Variants in SVIL observed in about 807,000 individuals in gnomAD.
The protein encoded by SVIL is supervillin, also known as archvillin.
Under a neutral mutation model 240.4 loss-of-function variants are expected in SVIL, and 101 were observed. That is an observed-to-expected ratio of 0.42 (90% CI 0.36 to 0.50). SVIL has a LOEUF of 0.50. SVIL is among the 20% of genes least tolerant of loss of function. The probability of loss-of-function intolerance (pLI) is 0.01; values close to 1 mark genes in which losing one functional copy is unlikely to be tolerated. For synonymous variants in SVIL, 999 were observed against 1,100.0 expected, an observed-to-expected ratio of 0.91 and a Z score of 1.82; for missense variants, 2,512 against 2,818.7, an observed-to-expected ratio of 0.89 and a Z score of 2.46.
chr10:29,523,518 C>T lies in SVIL; in HGVS notation c.3096G>A (p.Arg1032=). The T allele has an allele frequency of 6.2e-7, 1 of 1,614,056 alleles. No homozygotes were observed. The highest frequency in any genetic ancestry group is 8.5e-7 in the Non-Finnish European group (1 of 1,179,984). The change falls in exon 15 of 38, where the codon AGG becomes AGA. Residue 1032 remains arginine (R), a synonymous_variant. Coordinates refer to ENST00000355867, the MANE Select transcript of SVIL (RefSeq NM_021738.3). ...KMNAQGNLDL[R]DRLPFEEKVE... ...CCTTCTCTTCAAAGGGCAGCCTGTC[C>T]CTCAAGTCCAAGTTTCCTTGTGCAT... is the stretch of plus-strand genomic sequence containing the variant.
At chr10:29,651,549 C>T (rs1004585926) in intron 3 of SVIL, among the ~76,000 whole-genome samples, 2 of 151,672 alleles carry the variant, frequency 1.3e-5, no homozygotes, top group Admixed American at 6.6e-5. Context: ...TCCTCCCTGG[C>T]TGGCCATTCC....
At chr10:29,487,116 C>G (rs781714940) in intron 24 of SVIL, 47 bp downstream of exon 24, 7 of 1,602,214 alleles carry the variant, frequency 4.4e-6, no homozygotes, top group Non-Finnish European at 6.0e-6. Flanking sequence ...TCCTCCGGTG[C>G]GTAAAGGAGA....
At chr10:29,678,762 T>G (rs1960398550) in intron 2 of SVIL, among the ~76,000 whole-genome samples, 1 of 152,206 alleles carries the variant, frequency 6.6e-6, no homozygotes, top group Non-Finnish European at 1.5e-5. Context: ...GGAAGATGTG[T>G]GGGGGATATT....
chr10:29,587,974 C>A (rs575052297), intron 1 of SVIL, among the ~76,000 whole-genome samples: 41 of 152,308 alleles, frequency 2.7e-4, no homozygotes, highest in East Asian at 1.2e-3. Flanking sequence ...GACTCTCCCC[C>A]ACCCTGGCCC....
intron 3 of SVIL, among the ~76,000 whole-genome samples, chr10:29,643,329 T>A (rs931247311): frequency 2.0e-5 from 3 of 152,206 alleles, no homozygotes; most frequent in African/African-American, 7.2e-5. Flanking sequence ...AGGTATTTTT[T>A]AAGCAGCTCA....
chr10:29,492,755 G>A (rs1055972118), intron 21 of SVIL, among the ~76,000 whole-genome samples: 2 of 152,184 alleles, frequency 1.3e-5, no homozygotes, highest in Non-Finnish European at 2.9e-5. Context: ...ATGATTGGAA[G>A]CTAAGTAACA....
At chr10:29,726,702 A>C (rs1964312668) in intron 1 of SVIL, among the ~76,000 whole-genome samples, 1 of 152,104 alleles carries the variant, frequency 6.6e-6, no homozygotes, top group African/African-American at 2.4e-5. Context: ...AGCCAAGATC[A>C]CGCTGCTGCA....
chr10:29,543,000 A>G (rs1952304366), intron 6 of SVIL, among the ~76,000 whole-genome samples: 1 of 152,208 alleles, frequency 6.6e-6, no homozygotes, highest in Non-Finnish European at 1.5e-5. Flanking sequence ...TCACGATATG[A>G]TAATGAGAGC....
chr10:29,494,307 T>C (rs1343221459), intron 20 of SVIL, among the ~76,000 whole-genome samples: 1 of 152,250 alleles, frequency 6.6e-6, no homozygotes, highest in Non-Finnish European at 1.5e-5. Context: ...CCTAGCCAGT[T>C]CAGTTATTAT....
intron 2 of SVIL, among the ~76,000 whole-genome samples, chr10:29,672,418 G>A (rs1386300103): frequency 2.0e-5 from 3 of 151,832 alleles, no homozygotes; most frequent in African/African-American, 7.3e-5. Flanking sequence ...AGGCTGCAGT[G>A]AGCCGTGATC....
chr10:29,577,775 C>T (rs1166980449), intron 1 of SVIL, among the ~76,000 whole-genome samples: 1 of 151,956 alleles, frequency 6.6e-6, no homozygotes, highest in African/African-American at 2.4e-5. Flanking sequence ...TTCTTTACAC[C>T]AACAACAAAC....
chr10:29,471,106 A>G, intron 31 of SVIL, 32 bp downstream of exon 31: 2 of 1,587,546 alleles, frequency 1.3e-6, no homozygotes, highest in Non-Finnish European at 1.7e-6. Context: ...AGGGAAAGGC[A>G]AAGTCGAATT....
intron 27 of SVIL, chr10:29,483,463 AAC>A (rs1687674038): frequency 6.6e-6 from 1 of 152,224 alleles, no homozygotes; most frequent in African/African-American, 2.4e-5. Flanking sequence ...ATGAAACGAA[AAC>A]ACATCTCTGG....
intron 1 of SVIL, among the ~76,000 whole-genome samples, chr10:29,694,914 G>A (rs1961809063): frequency 6.6e-6 from 1 of 152,222 alleles, no homozygotes; most frequent in African/African-American, 2.4e-5. Context: ...AATTCCTAAG[G>A]AAAGGCAGCT....
chr10:29,673,497 C>T (rs1429981971), intron 2 of SVIL, among the ~76,000 whole-genome samples: 1 of 150,648 alleles, frequency 6.6e-6, no homozygotes, highest in African/African-American at 2.4e-5. Flanking sequence ...CACAGTTCTG[C>T]ATAGTGTGGG....
chr10:29,719,508 G>A (rs990710241), intron 1 of SVIL, among the ~76,000 whole-genome samples: 5 of 152,052 alleles, frequency 3.3e-5, no homozygotes, highest in African/African-American at 1.2e-4. Flanking sequence ...AAAAAGGCAG[G>A]AAAATACAAC....
rs545983467 is a variant in SVIL, at chr10:29,532,410, C to A, written c.1838+119G>T. 9.0e-6 allele frequency: 13 copies of A among 1,444,908 alleles called. No individual in the cohort carries two copies. In the South Asian group the frequency reaches 1.9e-4, roughly 21 times the overall value. The allele number at this position is 1,444,908 out of a possible 1,614,324, so 89.5% of individuals were successfully genotyped here. On this transcript the variant is annotated intron_variant, in intron 8 of 37. Transcript: ENST00000355867. ...CCATTTTCCGCATAGTCGCCCTGCA[C>A]GCACTTGTGAGCTAAGCTAATATGA...
At chr10:29,584,271 CAATCACTTAG>C (rs1208776069) in intron 1 of SVIL, among the ~76,000 whole-genome samples, 2 of 152,202 alleles carry the variant, frequency 1.3e-5, no homozygotes, top group African/African-American at 2.4e-5. Context: ...CGCCTGACAG[CAATCACTTAG>C]GCACACCCTG....
intron 2 of SVIL, among the ~76,000 whole-genome samples, chr10:29,665,318 T>C (rs1307325662): frequency 6.6e-6 from 1 of 151,338 alleles, no homozygotes; most frequent in Non-Finnish European, 1.5e-5. Flanking sequence ...TCTCAAGATA[T>C]GTTGATCCCT....
Sources: gnomAD v4.1 joint callset for allele counts (sites outside exome capture counted in the v4.1 genomes callset) on GRCh38, gnomAD v4.1.1 for gene constraint, MANE v1.5 for transcripts, NCBI Gene and HGNC (gene_info 2026-07-23, HGNC 2026-07-21) for gene names.